The following HEATR4 variants were observed in gnomAD, a reference collection of about 807,000 sequenced individuals.
HEATR4 encodes the protein HEAT repeat containing 4.
Under a neutral mutation model 108.8 loss-of-function variants are expected in HEATR4, and 95 were observed. The observed-to-expected ratio is 0.87, with a 90% CI of 0.74 to 1.04. The LOEUF (loss-of-function observed/expected upper bound fraction) is 1.04. Ranked by LOEUF, HEATR4 falls within the 50% of genes least tolerant of loss-of-function variation. The probability of loss-of-function intolerance (pLI) is 0.00; values close to 1 mark genes in which losing one functional copy is unlikely to be tolerated. For missense variants in HEATR4, 1,152 were observed against 1,253.8 expected, an observed-to-expected ratio of 0.92 and a Z score of 1.23; for synonymous variants, 443 against 459.4, an observed-to-expected ratio of 0.96 and a Z score of 0.46.
In HEATR4 at chr14:73,537,635, T is replaced by C; in HGVS notation, c.-151-7391A>G. 7 of 1,225,164 alleles carry C rather than the reference T, an allele frequency of 5.7e-6. 2 individuals carry two copies. The highest frequency in any genetic ancestry group is 7.5e-6 in the Non-Finnish European group (7 of 931,156). 75.9% of individuals were successfully genotyped at this position (1,225,164 alleles called of 1,614,324 possible). A position where few individuals can be genotyped will look rare whatever the true frequency, so the allele number is the denominator to read the frequency against. On this transcript the variant is annotated intron_variant, in intron 1 of 17. Coordinates refer to ENST00000553558, the MANE Select transcript of HEATR4 (RefSeq NM_001220484.1). Reference sequence around the variant, plus strand: ...GCGCGCGCCCGCGCTGGGCGGCAGCTTCGCGGGGCTTGAGCCCATGGGGCT... The same window carrying C: ...GCGCGCGCCCGCGCTGGGCGGCAGCCTCGCGGGGCTTGAGCCCATGGGGCT...
chr14:73,522,857 G>A lies in HEATR4; in HGVS notation c.296C>T (p.Thr99Ile), dbSNP rs1269008096. 1.2e-6 allele frequency: 2 copies of A among 1,614,172 alleles called. No individual in the cohort carries two copies. The highest frequency in any genetic ancestry group is 2.2e-5 in the East Asian group (1 of 44,884). The change falls in exon 3 of 18, where the codon ACC becomes ATC. Residue 99 changes from threonine to isoleucine, a missense_variant. Coordinates refer to ENST00000553558, the MANE Select transcript of HEATR4 (RefSeq NM_001220484.1). ...SQYSFDHLYN[T>I]NDIIHTPQIR... is the part of the protein sequence containing the mutation. ...CTGGGGAGTATGGATGATGTCATTGGTATTGTAGAGGTGGTCAAAGCTGTA... is the reference window on the plus strand; with the variant it reads ...CTGGGGAGTATGGATGATGTCATTGATATTGTAGAGGTGGTCAAAGCTGTA...
Position 73,543,044 on chromosome 14 carries a change from T to C in HEATR4, c.-151-12800A>G, listed in dbSNP as rs752074913. 9 of 1,342,732 alleles carry C rather than the reference T, an allele frequency of 6.7e-6. 3 individuals are homozygous for C. Among genetic ancestry groups the C allele is most frequent in the African/African-American group, 1.6e-5 (1 of 63,778 alleles). 83.2% of individuals were successfully genotyped at this position (1,342,732 alleles called of 1,614,324 possible). A position where few individuals can be genotyped will look rare whatever the true frequency, so the allele number is the denominator to read the frequency against. ...TCTTCTTCTTTTTCCTTTGTCCCTT[T>C]CTCAGGTAAAAGGTCCAGGAGTTGG... On this transcript the variant is annotated intron_variant, in intron 1 of 17. Coordinates refer to ENST00000553558, the MANE Select transcript of HEATR4 (RefSeq NM_001220484.1).
At chr14:73,590,114 C>T in the HEATR4 span, among the ~76,000 whole-genome samples, 296 of 152,300 alleles carry the variant, frequency 1.9e-3, no homozygotes, top group African/African-American at 7.0e-3. Flanking sequence ...GTTGCCACTG[C>T]TAGCTCTGGC....
chr14:73,591,704 G>C, the HEATR4 span: 3 of 388,258 alleles, frequency 7.7e-6, no homozygotes, highest in Non-Finnish European at 1.4e-5. Context: ...CTACGGGGTG[G>C]GTTGGGCGCC....
At chr14:73,633,712 G>A in the HEATR4 span, 3 of 152,260 alleles carry the variant, frequency 2.0e-5, no homozygotes, top group East Asian at 5.8e-4. Flanking sequence ...AACTCGCGAG[G>A]GGATCCTACC....
Position 73,553,444 on chromosome 14 carries a change from A to G in HEATR4, c.-152+5307T>C, listed in dbSNP as rs570780120. Among the ~76,000 whole-genome samples the G allele has an allele frequency of 8.9e-5, 10 of 112,748 alleles. 1 individual carries two copies. In the South Asian group the frequency reaches 2.0e-3, roughly 22 times the overall value. The allele number at this position is 112,748 out of a possible 152,430, so 74.0% of individuals were successfully genotyped here. ...GAGAATCACTTGGAACCCAGAAGGT[A>G]GAGGTCCAGTGAGCCGGGATCGCGC... On this transcript the variant is annotated intron_variant, in intron 1 of 17. Coordinates refer to ENST00000553558, the MANE Select transcript of HEATR4 (RefSeq NM_001220484.1).
the HEATR4 span, among the ~76,000 whole-genome samples, chr14:73,578,252 C>T: frequency 3.1e-5 from 4 of 129,304 alleles, no homozygotes; most frequent in Admixed American, 2.5e-4. Flanking sequence ...TTTTTTGAGA[C>T]AGGATCTCTC....
chr14:73,550,254 C>G (rs115560456), intron 1 of HEATR4, among the ~76,000 whole-genome samples: 2,343 of 113,262 alleles, frequency 0.021, 580 homozygotes, highest in African/African-American at 0.065. Flanking sequence ...TGACCGTGTT[C>G]TCGGGATGCA....
In HEATR4 at chr14:73,506,804, GTTTTTTTTTTTTTTT is replaced by G. The variant is rs34660727; in HGVS notation, c.1882-248_1882-234del. On this transcript the variant is annotated intron_variant, in intron 9 of 17. Transcript: ENST00000553558. ...GGACCTTCCTTTCCTGACTTTAACT[GTTTTTTTTTTTTTTT>G]TTTTTTCTGAGAAGGTTGTCCCCCA... Among the ~76,000 whole-genome samples, 87 of 80,492 alleles carry G rather than the reference GTTTTTTTTTTTTTTT, an allele frequency of 1.1e-3. 1 individual carries two copies. The East Asian group carries it at 0.04, about 37-fold the overall frequency. 52.8% of individuals were successfully genotyped at this position (80,492 alleles called of 152,430 possible).
At chr14:73,594,964 CAG>C in the HEATR4 span, 3 of 1,519,392 alleles carry the variant, frequency 2.0e-6, no homozygotes, top group African/African-American at 4.1e-5. Context: ...CTCCGCCTCG[CAG>C]AGTGTTGGGA....
Position 73,541,736 on chromosome 14 carries a change from G to A in HEATR4, c.-151-11492C>T, listed in dbSNP as rs371573983. On this transcript the variant is annotated intron_variant, in intron 1 of 17. Coordinates refer to ENST00000553558, the MANE Select transcript of HEATR4 (RefSeq NM_001220484.1). ...AGATTTATGGGCTATGATGTATCAGGTCTCTTCTTAAATGGTCTGGGTTTT... is the reference window on the plus strand; with the variant it reads ...AGATTTATGGGCTATGATGTATCAGATCTCTTCTTAAATGGTCTGGGTTTT... The A allele has an allele frequency of 6.5e-5, 78 of 1,200,580 alleles. 20 individuals carry two copies. The African/African-American group carries it at 1.2e-3, about 18-fold the overall frequency. 74.4% of individuals were successfully genotyped at this position (1,200,580 alleles called of 1,614,324 possible). A position where few individuals can be genotyped will look rare whatever the true frequency, so the allele number is the denominator to read the frequency against.
At chr14:73,620,514 C>T in the HEATR4 span, among the ~76,000 whole-genome samples, 12 of 152,222 alleles carry the variant, frequency 7.9e-5, no homozygotes, top group South Asian at 1.5e-3. Context: ...TAACTGACCA[C>T]GTCTGAGTCT....
intron 9 of HEATR4, among the ~76,000 whole-genome samples, 181 bp from the exon 10 acceptor site, chr14:73,506,752 A>C (rs1886854001): frequency 6.6e-6 from 1 of 151,414 alleles, no homozygotes; most frequent in South Asian, 2.1e-4. Context: ...AACAAAATAC[A>C]AATTTAATAA....
At chr14:73,501,469 G>A (rs1182462202) in intron 11 of HEATR4, among the ~76,000 whole-genome samples, 2 of 151,728 alleles carry the variant, frequency 1.3e-5, no homozygotes, top group African/African-American at 4.8e-5. Context: ...TGCCCAGGCT[G>A]GTCTTGAACT....
At chr14:73,499,638 C>T (rs1336702470) in intron 12 of HEATR4, among the ~76,000 whole-genome samples, 1 of 152,122 alleles carries the variant, frequency 6.6e-6, no homozygotes, top group African/African-American at 2.4e-5. Context: ...AGTACATTAG[C>T]TGAATTATCT....
At chr14:73,581,233 A>G in the HEATR4 span, 1 of 151,358 alleles carries the variant, frequency 6.6e-6, no homozygotes, top group African/African-American at 2.4e-5. Context: ...ACAGAAATGT[A>G]TTGCTCACAG....
chr14:73,574,410 A>G, the HEATR4 span: 29,236 of 226,924 alleles, frequency 0.13, 2,736 homozygotes, highest in African/African-American at 0.35. Flanking sequence ...GACTACAGGC[A>G]CGTGCCACTA....
rs548142369 is a variant in HEATR4, at chr14:73,517,956, C to T, written c.1210+1067G>A. Among the ~76,000 whole-genome samples the T allele has an allele frequency of 2.3e-4, 35 of 151,932 alleles. No individual in the cohort carries two copies. The East Asian group carries it at 2.3e-3, about 10-fold the overall frequency. ...CAAAAATTAGCTGGGTGTGGTGGCG[C>T]GCACCTGTAGTCCCAGCTACTCGTG... On this transcript the variant is annotated intron_variant, in intron 5 of 17. Transcript: ENST00000553558.
At chr14:73,598,404 A>AG in the HEATR4 span, among the ~76,000 whole-genome samples, 10 of 150,976 alleles carry the variant, frequency 6.6e-5, no homozygotes, top group South Asian at 2.1e-4. Context: ...AAAAAAAAAA[A>AG]AGAGAGAGAT....
Sources: gnomAD v4.1 joint callset for allele counts (sites outside exome capture counted in the v4.1 genomes callset) on GRCh38, gnomAD v4.1.1 for gene constraint, MANE v1.5 for transcripts, NCBI Gene and HGNC (gene_info 2026-07-23, HGNC 2026-07-21) for gene names.